The following ARHGEF11 variants were observed in gnomAD, a reference collection of about 807,000 sequenced individuals.
ARHGEF11 encodes Rho guanine exchange factor (GEF) 11.
A neutral mutation model predicts 193.7 loss-of-function variants in ARHGEF11; 55 were observed. That is an observed-to-expected ratio of 0.28 (90% CI 0.23 to 0.36). The LOEUF is 0.36. Among genes scored for constraint, ARHGEF11 ranks in the 10% least tolerant of loss-of-function variants. The probability of loss-of-function intolerance (pLI) is 1.00; values close to 1 mark genes in which losing one functional copy is unlikely to be tolerated. For synonymous variants in ARHGEF11, 693 were observed against 768.0 expected, an observed-to-expected ratio of 0.90 and a Z score of 1.62; for missense variants, 1,723 against 2,005.6, an observed-to-expected ratio of 0.86 and a Z score of 2.69.
chr1:156,950,119 C>A (rs184933174), intron 22 of ARHGEF11, among the ~76,000 whole-genome samples: 281 of 152,268 alleles, frequency 1.8e-3, no homozygotes, highest in Middle Eastern at 0.01. Flanking sequence ...TCATGTGCTT[C>A]CACAGGAATC....
intron 6 of ARHGEF11, 127 bp from the exon 7 acceptor site, chr1:156,977,181 T>G (rs1484752920): frequency 1.2e-6 from 1 of 813,938 alleles, no homozygotes; most frequent in African/African-American, 1.7e-5. Flanking sequence ...TATGTTTTAT[T>G]CAGTACCTTG....
chr1:156,981,449 G>C (rs1479736733), intron 3 of ARHGEF11, among the ~76,000 whole-genome samples: 1 of 152,140 alleles, frequency 6.6e-6, no homozygotes, highest in Non-Finnish European at 1.5e-5. Context: ...CATTCAACTG[G>C]AGGCTACAGT....
chr1:156,945,181 A>G lies in ARHGEF11; in HGVS notation c.2829T>C (p.His943=), dbSNP rs748802384. ...GGTCCCGGGCCCGGCACAGCTTCTC[A>G]TGCTCAGAGGTGCCACCTACCAAAA... is the stretch of plus-strand genomic sequence containing the variant. ...IKHTEGGTSE[H]EKLCRARDQC... is the part of the protein sequence containing the mutation. Residue 943 remains histidine (H), a synonymous_variant, in exon 30 of 41, where the codon CAT becomes CAC. Coordinates refer to ENST00000368194, the MANE Select transcript of ARHGEF11 (RefSeq NM_198236.3). 6.0e-5 allele frequency: 97 copies of G among 1,613,824 alleles called. No individual in the cohort carries two copies. Among genetic ancestry groups the G allele is most frequent in the Non-Finnish European group, 7.6e-5 (90 of 1,179,922 alleles).
intron 1 of ARHGEF11, among the ~76,000 whole-genome samples, chr1:157,013,282 CACACACACACACACACA>C (rs1668781526): frequency 6.7e-6 from 1 of 149,690 alleles, no homozygotes; most frequent in Non-Finnish European, 1.5e-5. Context: ...CACACACACA[CACACACACACACACACA>C]CCAAGAACCT....
chr1:156,957,882 TAGG>T, intron 17 of ARHGEF11, 67 bp from the exon 18 acceptor site: 28 of 1,543,278 alleles, frequency 1.8e-5, no homozygotes, highest in Non-Finnish European at 2.4e-5. Flanking sequence ...GGTTAGAGGC[TAGG>T]AGGAGGGTAA....
Position 156,947,859 on chromosome 1 carries a change from G to C in ARHGEF11, c.2251C>G (p.Pro751Ala). The C allele has an allele frequency of 6.2e-7, 1 of 1,614,142 alleles. No homozygotes were observed. The highest frequency in any genetic ancestry group is 8.5e-7 in the Non-Finnish European group (1 of 1,180,018). Residue 751 changes from proline (P) to alanine (A), a missense_variant, in exon 25 of 41, where the codon CCA becomes GCA. By Grantham distance (27) the Pro-to-Ala change is conservative. Transcript: ENST00000368194. The part of the protein sequence containing the change: ...LGQLSDLEPE[P>A]DAQNWQHTVG... The stretch of plus-strand genomic sequence containing the variant: ...GTATGCTGCCAATTTTGGGCATCTG[G>C]CTCTGGCTCCAGGTCAGACAGCTGG...
chr1:156,935,725 G>A lies in ARHGEF11; in HGVS notation c.*275C>T. 2.2e-6 allele frequency: 1 copy of A among 461,488 alleles called. No homozygotes were observed. 28.6% of individuals were successfully genotyped at this position (461,488 alleles called of 1,614,324 possible). A position where few individuals can be genotyped will look rare whatever the true frequency, so the allele number is the denominator to read the frequency against. ...CATATGTGGGGTGAGGGCAGACCAT[G>A]GTGAGTGGGGGCCTTTCGGATGCAG... On this transcript the variant is annotated 3_prime_UTR_variant, in exon 41 of 41. Coordinates refer to ENST00000368194, the MANE Select transcript of ARHGEF11 (RefSeq NM_198236.3).
intron 11 of ARHGEF11, among the ~76,000 whole-genome samples, chr1:156,967,236 G>C (rs537120300): frequency 6.6e-6 from 1 of 152,134 alleles, no homozygotes; most frequent in African/African-American, 2.4e-5. Flanking sequence ...ACTTAAACTT[G>C]GCTTAAAGAA....
intron 1 of ARHGEF11, among the ~76,000 whole-genome samples, chr1:157,007,200 CAAAG>C (rs925448184): frequency 1.3e-5 from 2 of 151,692 alleles, no homozygotes; most frequent in African/African-American, 4.9e-5. Flanking sequence ...AAAACAAAAA[CAAAG>C]AAGTAGGAGG....
In ARHGEF11 at chr1:156,996,859, A is replaced by ATTTTT. The variant is rs60592654; in HGVS notation, c.33-10691_33-10687dup. Among the ~76,000 whole-genome samples the ATTTTT allele has an allele frequency of 1.9e-3, 181 of 93,848 alleles. 3 individuals carry two copies. The highest frequency in any genetic ancestry group is 7.5e-3 in the East Asian group (20 of 2,680). The allele number at this position is 93,848 out of a possible 152,430, so 61.6% of individuals were successfully genotyped here. ...GCTGAGCTTAGGAACCTCTCTCTCT[A>ATTTTT]TTTTTTTTTTTTTTTTTTTTGAGAC... On this transcript the variant is annotated intron_variant, in intron 1 of 40. Coordinates refer to ENST00000368194, the MANE Select transcript of ARHGEF11 (RefSeq NM_198236.3).
At chr1:156,940,087 T>C (rs1407360274) in intron 36 of ARHGEF11, 120 bp downstream of exon 36, 2 of 1,404,376 alleles carry the variant, frequency 1.4e-6, no homozygotes, top group Non-Finnish European at 1.9e-6. Context: ...TCCGCATCCA[T>C]CTCTCCTCAA....
chr1:157,014,419 T>G lies in ARHGEF11; in HGVS notation c.33-28246A>C, dbSNP rs181703624. Among the ~76,000 whole-genome samples, 45 of 152,234 alleles carry G rather than the reference T, an allele frequency of 3.0e-4. 1 individual carries two copies. Among genetic ancestry groups the G allele is most frequent in the Non-Finnish European group, 5.6e-4 (38 of 68,000 alleles). On this transcript the variant is annotated intron_variant, in intron 1 of 40. Coordinates refer to ENST00000368194, the MANE Select transcript of ARHGEF11 (RefSeq NM_198236.3). ...TCTCTCTCTCTCTTTTTTTTTCTCC[T>G]CTTTTTGAGACAGGGTCTTGCTCTG... is the stretch of plus-strand genomic sequence containing the variant.
chr1:156,937,012 G>C lies in ARHGEF11; in HGVS notation c.4441-7C>G, dbSNP rs1473828505. On this transcript the variant is annotated splice_polypyrimidine_tract_variant and splice_region_variant and intron_variant, in intron 39 of 40. Coordinates refer to ENST00000368194, the MANE Select transcript of ARHGEF11 (RefSeq NM_198236.3). The stretch of plus-strand genomic sequence containing the variant: ...TGTGGGCCAGCTCCATATCCTGGAA[G>C]AGTCGGCGGGGGAATGTCTGCTCGA... 1 of 1,610,902 alleles carries C rather than the reference G, an allele frequency of 6.2e-7. No homozygotes were observed. The highest frequency in any genetic ancestry group is 8.5e-7 in the Non-Finnish European group (1 of 1,177,360).
chr1:156,957,902 C>T (rs1234392671), intron 17 of ARHGEF11, 87 bp from the exon 18 acceptor site: 7 of 1,373,296 alleles, frequency 5.1e-6, no homozygotes, highest in Non-Finnish European at 7.3e-6. Context: ...GTAAGTTTTT[C>T]CTAGATGAAA....
chr1:156,941,742 G>T, intron 34 of ARHGEF11, 122 bp downstream of exon 34: 2 of 1,410,482 alleles, frequency 1.4e-6, no homozygotes, highest in Non-Finnish European at 1.9e-6. Flanking sequence ...GGAGCTGTCT[G>T]CTCCCTGCTA....
intron 1 of ARHGEF11, among the ~76,000 whole-genome samples, chr1:157,032,849 A>G (rs560842303): frequency 6.6e-6 from 1 of 152,226 alleles, no homozygotes; most frequent in Admixed American, 6.5e-5. Flanking sequence ...GGAGAACTTG[A>G]CATTGTTAAT....
Position 156,986,144 on chromosome 1 carries a change from G to C in ARHGEF11, c.62C>G (p.Ser21Cys), listed in dbSNP as rs1664887921. ...GGAAGGGGACTTGCGCTCTGGTGCA[G>C]AATCTCCCAGAGAAGACAGGCTACT... ...RLSSLSSLGD[S>C]APERKSPSHH... is the part of the protein sequence containing the mutation. The change falls in exon 2 of 41, where the codon TCT becomes TGT. Residue 21 changes from serine to cysteine, a missense_variant. Around this residue, in one of 5 missense-constraint regions of ARHGEF11, gnomAD observed 646 missense variants for 710.7 expected, o/e 0.91. Transcript: ENST00000368194. The C allele has an allele frequency of 6.2e-7, 1 of 1,613,934 alleles. No homozygotes were observed. The highest frequency in any genetic ancestry group is 1.3e-5 in the African/African-American group (1 of 75,042).
At chr1:156,965,787 G>C (rs1224440307) in intron 11 of ARHGEF11, among the ~76,000 whole-genome samples, 1 of 152,108 alleles carries the variant, frequency 6.6e-6, no homozygotes, top group Non-Finnish European at 1.5e-5. Flanking sequence ...CATAACTCTA[G>C]ATTTATAAAA....
chr1:156,947,356 C>G lies in ARHGEF11; in HGVS notation c.2436G>C (p.Arg812=). ...QRMKKENLMP[R]EELARLFPNL... Reference sequence around the variant, plus strand: ...TCGGGAAGAGCCGGGCCAGCTCCTCCCGGGGCATCAGGTTCTCCTTCTTCA... The same window carrying G: ...TCGGGAAGAGCCGGGCCAGCTCCTCGCGGGGCATCAGGTTCTCCTTCTTCA... Residue 812 remains arginine, a synonymous_variant, in exon 26 of 41, where the codon CGG becomes CGC. Transcript: ENST00000368194. 6.2e-7 allele frequency: 1 copy of G among 1,613,968 alleles called. No individual in the cohort carries two copies. The highest frequency in any genetic ancestry group is 8.5e-7 in the Non-Finnish European group (1 of 1,179,958).
Sources: gnomAD v4.1 joint callset for allele counts (sites outside exome capture counted in the v4.1 genomes callset) on GRCh38, gnomAD v4.1.1 for gene constraint, gnomAD v4.1.1 regional missense constraint, MANE v1.5 for transcripts, NCBI Gene and HGNC (gene_info 2026-07-23, HGNC 2026-07-21) for gene names.